Variants in PRTG observed in about 807,000 individuals in gnomAD.
The protein encoded by PRTG is protogenin.
In PRTG, 67 loss-of-function variants were observed where a neutral mutation model predicts 122.5. That is an observed-to-expected ratio of 0.55 (90% confidence interval 0.45 to 0.67). The LOEUF is 0.67. PRTG is among the 30% of genes least tolerant of loss of function. PRTG has a pLI of 0.00. For synonymous variants in PRTG, 554 were observed against 501.1 expected (o/e 1.11, Z -1.41); for missense variants, 1,435 against 1,415.4 (o/e 1.01, Z -0.22).
At chr15:55,622,687 G>A (rs1021367044) in intron 18 of PRTG, among the ~76,000 whole-genome samples, 2 of 151,692 alleles carry the variant, frequency 1.3e-5, no homozygotes, top group African/African-American at 4.8e-5. Context: ...CACCGCGCCC[G>A]GCCACACCTG....
chr15:55,636,368 T>A (rs1316992222), intron 15 of PRTG, among the ~76,000 whole-genome samples: 2 of 151,970 alleles, frequency 1.3e-5, no homozygotes, highest in East Asian at 1.9e-4. Flanking sequence ...TTCAATCATA[T>A]CTCCTTCCAG....
intron 14 of PRTG, among the ~76,000 whole-genome samples, chr15:55,637,952 A>G (rs1365087145): frequency 2.0e-5 from 3 of 152,216 alleles, no homozygotes; most frequent in Non-Finnish European, 2.9e-5. Flanking sequence ...CCATAGCAAC[A>G]AAGTCCTATG....
At chr15:55,647,929 C>T (rs531789064) in intron 11 of PRTG, among the ~76,000 whole-genome samples, 8 of 152,254 alleles carry the variant, frequency 5.3e-5, no homozygotes, top group South Asian at 2.1e-4. Flanking sequence ...TGTTGGCTTG[C>T]GTATACTATT....
At position 55,710,300 on chromosome 15, in the gene PRTG, A is replaced by G. The variant is rs73408371; in HGVS notation, c.398-26369T>C. Among the ~76,000 whole-genome samples the G allele has an allele frequency of 4.7e-3, 723 of 152,346 alleles. 5 individuals are homozygous for G. The highest frequency in any genetic ancestry group is 0.017 in the African/African-American group (696 of 41,584). ...TTTCTTCATCCTCAAATATTAAAAT[A>G]CTTCATTTTTACATAAATCTACTTA... On this transcript the variant is annotated intron_variant, in intron 2 of 19. Transcript: ENST00000389286.
At chr15:55,694,305 T>G (rs1346898065) in intron 2 of PRTG, among the ~76,000 whole-genome samples, 3 of 152,212 alleles carry the variant, frequency 2.0e-5, no homozygotes, top group Admixed American at 2.0e-4. Flanking sequence ...GGGGCACAGA[T>G]TGCAGTGAAA....
rs114302893 is a variant in PRTG, at chr15:55,648,219, A to G, written c.2042-7011T>C. On this transcript the variant is annotated intron_variant, in intron 11 of 19. Transcript: ENST00000389286. ...AGTATTAGAAACAGCAAGCACATGG[A>G]CCCAAAAATTAATTCAATCTGTTAT... is the stretch of plus-strand genomic sequence containing the variant. 4.8e-3 allele frequency among the ~76,000 whole-genome samples: 730 copies of G among 152,258 alleles called. 4 individuals carry two copies. The highest frequency in any genetic ancestry group is 0.017 in the African/African-American group (696 of 41,544).
chr15:55,638,344 C>T (rs720509), intron 14 of PRTG, among the ~76,000 whole-genome samples: 66,271 of 151,824 alleles, frequency 0.44, 17,072 homozygotes, highest in African/African-American at 0.73. Context: ...TACGTGCTTG[C>T]ACAATACACA....
At chr15:55,638,501 C>T in intron 14 of PRTG, 48 bp downstream of exon 14, 1 of 1,452,254 alleles carries the variant, frequency 6.9e-7, no homozygotes, top group Non-Finnish European at 9.4e-7. Flanking sequence ...TAAAACATTT[C>T]CTTAATTTTT....
chr15:55,733,514 CAA>C (rs1171561645), intron 2 of PRTG, among the ~76,000 whole-genome samples: 9,276 of 76,380 alleles, frequency 0.12, 300 homozygotes, highest in Middle Eastern at 0.18. Context: ...CTGTCTCAAA[CAA>C]AAAAAAAAAA....
At chr15:55,635,095 G>GTGTGTA (rs2059250315) in intron 15 of PRTG, among the ~76,000 whole-genome samples, 2 of 149,278 alleles carry the variant, frequency 1.3e-5, no homozygotes, top group African/African-American at 4.9e-5. Context: ...GTGTGTGTGT[G>GTGTGTA]TGTGTGTGTT....
Position 55,680,107 on chromosome 15 carries a change from G to C in PRTG, c.920C>G (p.Thr307Ser), listed in dbSNP as rs1490471686. The C allele has an allele frequency of 1.2e-6, 2 of 1,613,752 alleles. No homozygotes were observed. Among genetic ancestry groups the C allele is most frequent in the African/African-American group, 1.3e-5 (1 of 75,042 alleles). The change falls in exon 6 of 20, where the codon ACT (threonine) becomes AGT (serine). Residue 307 changes from threonine (T) to serine (S), a missense_variant. Physicochemically the swap from Thr to Ser is moderately conservative, Grantham distance 58. Transcript: ENST00000389286. ...QHAGVYVCRA[T>S]TPGTRNFTVA... ...TGTAAAGTTGCGTGTGCCAGGGGTA[G>C]TGGCCCGACAAACATATACTCCAGC...
At chr15:55,627,985 G>C (rs2059204987) in intron 16 of PRTG, among the ~76,000 whole-genome samples, 2 of 152,228 alleles carry the variant, frequency 1.3e-5, no homozygotes, top group South Asian at 4.1e-4. Context: ...TGAGTGGCAA[G>C]GTATTTGAGA....
In PRTG at chr15:55,620,041, C is replaced by T. The variant is rs768233320; in HGVS notation, c.3424G>A (p.Val1142Ile). 1.2e-6 allele frequency: 2 copies of T among 1,614,062 alleles called. No individual in the cohort carries two copies. Among genetic ancestry groups the T allele is most frequent in the East Asian group, 2.2e-5 (1 of 44,884 alleles). The change falls in exon 20 of 20, where the codon GTT becomes ATT. Residue 1142 changes from valine to isoleucine, a missense_variant. Transcript: ENST00000389286. ...ESNDEIHLSS[V>I]ISTTPPNL The stretch of plus-strand genomic sequence containing the variant: ...AGGTTGGGGGGTGTGGTACTTATAA[C>T]TGAGGACAGATGTATCTCATCGTTG...
At chr15:55,686,965 C>G (rs184071227) in intron 2 of PRTG, among the ~76,000 whole-genome samples, 2 of 152,292 alleles carry the variant, frequency 1.3e-5, no homozygotes, top group East Asian at 1.9e-4. Context: ...TCACTGCTGC[C>G]TTTATTTCAC....
At chr15:55,668,049 C>A (rs1414930606) in intron 11 of PRTG, among the ~76,000 whole-genome samples, 1 of 152,204 alleles carries the variant, frequency 6.6e-6, no homozygotes, top group African/African-American at 2.4e-5. Flanking sequence ...GATGGCACCA[C>A]TGCACTCCAG....
intron 15 of PRTG, 84 bp downstream of exon 15, chr15:55,637,086 T>G: frequency 8.6e-7 from 1 of 1,167,634 alleles, no homozygotes; most frequent in Non-Finnish European, 1.1e-6. Context: ...AAATTCAAAA[T>G]AAACTCTAGA....
intron 2 of PRTG, among the ~76,000 whole-genome samples, chr15:55,717,159 A>G (rs2030630987): frequency 6.6e-6 from 1 of 152,246 alleles, no homozygotes; most frequent in Non-Finnish European, 1.5e-5. Flanking sequence ...AAACATGTAC[A>G]TATTTAACAC....
At chr15:55,622,415 G>A (rs28561692) in intron 18 of PRTG, among the ~76,000 whole-genome samples, 2,422 of 137,592 alleles carry the variant, frequency 0.018, 80 homozygotes, top group African/African-American at 0.064. Context: ...AGACAGTCTC[G>A]CTCTGTCACC....
At chr15:55,680,784 T>C (rs991098853) in intron 4 of PRTG, among the ~76,000 whole-genome samples, 156 bp from the exon 5 acceptor site, 4 of 152,210 alleles carry the variant, frequency 2.6e-5, no homozygotes, top group African/African-American at 9.6e-5. Flanking sequence ...CCATCTGAAG[T>C]ATATAATTCA....
Sources: gnomAD v4.1 joint callset for allele counts (sites outside exome capture counted in the v4.1 genomes callset) on GRCh38, gnomAD v4.1.1 for gene constraint, MANE v1.5 for transcripts, NCBI Gene and HGNC (gene_info 2026-07-23, HGNC 2026-07-21) for gene names.